MAP2: variants seen among roughly 807,000 people sequenced by gnomAD.
The protein encoded by MAP2 is microtubule associated protein 2.
A neutral mutation model predicts 137.6 loss-of-function variants in MAP2; 14 were observed. The observed-to-expected ratio is 0.10, with a 90% CI of 0.07 to 0.16. The LOEUF (loss-of-function observed/expected upper bound fraction) is 0.16, where lower values mean the gene tolerates loss of function less well. MAP2 is among the 10% of genes least tolerant of loss of function. MAP2 has a pLI of 1.00. For synonymous variants in MAP2, 786 were observed against 782.3 expected, an observed-to-expected ratio of 1.00 and a Z score of -0.08; for missense variants, 2,088 against 2,191.5, an observed-to-expected ratio of 0.95 and a Z score of 0.94.
At chr2:209,558,973 G>A (rs1367941445) in intron 2 of MAP2, among the ~76,000 whole-genome samples, 1 of 152,008 alleles carries the variant, frequency 6.6e-6, no homozygotes, top group Non-Finnish European at 1.5e-5. Flanking sequence ...TAATGAAGAA[G>A]GAATCTGTAG....
intron 4 of MAP2, among the ~76,000 whole-genome samples, chr2:209,630,975 G>A (rs1318861152): frequency 9.8e-6 from 1 of 101,638 alleles, no homozygotes; most frequent in South Asian, 3.4e-4. Flanking sequence ...CTAGAAAGTA[G>A]CATTTTTCAA....
chr2:209,724,602 A>G (rs2073094677), intron 13 of MAP2, among the ~76,000 whole-genome samples: 1 of 152,134 alleles, frequency 6.6e-6, no homozygotes. Flanking sequence ...AGAGAGAGAG[A>G]GAGAGAAGCA....
At chr2:209,642,614 CTTCT>C (rs1184497536) in intron 4 of MAP2, among the ~76,000 whole-genome samples, 6 of 152,206 alleles carry the variant, frequency 3.9e-5, no homozygotes, top group South Asian at 2.1e-4. Flanking sequence ...CACCAGCTCT[CTTCT>C]TTCTAATTGT....
intron 1 of MAP2, among the ~76,000 whole-genome samples, chr2:209,481,255 C>G (rs940253463): frequency 6.6e-6 from 1 of 152,166 alleles, no homozygotes; most frequent in Non-Finnish European, 1.5e-5. Context: ...ACAACATCTC[C>G]CAACAGAAGA....
chr2:209,686,653 C>T (rs996941595), intron 7 of MAP2, among the ~76,000 whole-genome samples: 1 of 152,078 alleles, frequency 6.6e-6, no homozygotes, highest in Non-Finnish European at 1.5e-5. Context: ...CTGAGTTATA[C>T]GAGAATCCAA....
chr2:209,429,143 C>G (rs1693511617), intron 1 of MAP2, among the ~76,000 whole-genome samples: 1 of 151,784 alleles, frequency 6.6e-6, no homozygotes, highest in South Asian at 2.1e-4. Flanking sequence ...TTAGTAGAGA[C>G]AGGGTTTCAC....
At chr2:209,453,247 G>T (rs994135537) in intron 1 of MAP2, among the ~76,000 whole-genome samples, 1 of 151,936 alleles carries the variant, frequency 6.6e-6, no homozygotes, top group African/African-American at 2.4e-5. Context: ...GATATTCTCT[G>T]CTTTAATGAT....
At chr2:209,638,971 A>G (rs1291880687) in intron 4 of MAP2, among the ~76,000 whole-genome samples, 1 of 152,178 alleles carries the variant, frequency 6.6e-6, no homozygotes, top group African/African-American at 2.4e-5. Context: ...GGCCTGATAC[A>G]TGCTCATTAG....
At chr2:209,723,672 G>A (rs764573853) in intron 13 of MAP2, 9 of 1,613,508 alleles carry the variant, frequency 5.6e-6, no homozygotes, top group Admixed American at 1.7e-5. Context: ...TCAAACATTC[G>A]GCTGGGGGCG....
chr2:209,709,513 T>G (rs936825939), intron 12 of MAP2, among the ~76,000 whole-genome samples: 2 of 152,150 alleles, frequency 1.3e-5, no homozygotes, highest in African/African-American at 4.8e-5. Flanking sequence ...GAATGAATGA[T>G]CTACATATCA....
intron 2 of MAP2, among the ~76,000 whole-genome samples, chr2:209,516,169 T>C (rs2062469067): frequency 6.6e-6 from 1 of 152,114 alleles, no homozygotes; most frequent in Non-Finnish European, 1.5e-5. Flanking sequence ...AAGTCTCTTA[T>C]GGAATAACAG....
At chr2:209,468,317 C>CTTTTTTTTTT (rs11450792) in intron 1 of MAP2, among the ~76,000 whole-genome samples, 2 of 88,532 alleles carry the variant, frequency 2.3e-5, no homozygotes, top group Non-Finnish European at 4.0e-5. Flanking sequence ...TTTAGTGTTT[C>CTTTTTTTTTT]TTTTTTTTTT....
chr2:209,717,622 T>G (rs2068243226), intron 13 of MAP2, among the ~76,000 whole-genome samples: 1 of 152,210 alleles, frequency 6.6e-6, no homozygotes, highest in Non-Finnish European at 1.5e-5. Context: ...GTTACCACTA[T>G]GAAGGTCTAC....
At chr2:209,556,819 T>C (rs2070789489) in intron 2 of MAP2, among the ~76,000 whole-genome samples, 1 of 152,158 alleles carries the variant, frequency 6.6e-6, no homozygotes, top group Non-Finnish European at 1.5e-5. Context: ...AAATTTAAAC[T>C]ACATATATAA....
intron 1 of MAP2, among the ~76,000 whole-genome samples, chr2:209,488,401 A>G (rs1375881202): frequency 4.0e-5 from 6 of 151,346 alleles, no homozygotes; most frequent in African/African-American, 1.2e-4. Flanking sequence ...TTTTTTTTTC[A>G]TACCCCAGTG....
intron 3 of MAP2, among the ~76,000 whole-genome samples, chr2:209,618,533 T>C (rs2090214114): frequency 1.3e-5 from 2 of 152,174 alleles, no homozygotes; most frequent in Non-Finnish European, 2.9e-5. Context: ...CCAATTTTTT[T>C]CTCCTACCAC....
At chr2:209,660,206 C>T (rs181231014) in intron 5 of MAP2, among the ~76,000 whole-genome samples, 41 of 152,114 alleles carry the variant, frequency 2.7e-4, no homozygotes, top group Non-Finnish European at 3.2e-4. Flanking sequence ...GCTATCCAGA[C>T]CTACCCACTG....
At chr2:209,530,999 GAAATAC>G (rs1363971537) in intron 2 of MAP2, among the ~76,000 whole-genome samples, 1 of 152,098 alleles carries the variant, frequency 6.6e-6, no homozygotes, top group Non-Finnish European at 1.5e-5. Flanking sequence ...TTGAATGAAT[GAAATAC>G]AAATACAAAG....
At chr2:209,664,838 T>C (rs897284645) in intron 5 of MAP2, among the ~76,000 whole-genome samples, 2 of 151,444 alleles carry the variant, frequency 1.3e-5, no homozygotes, top group Non-Finnish European at 2.9e-5. Flanking sequence ...TGCATGCCTG[T>C]AGTCCCAGTT....
Sources: gnomAD v4.1 joint callset for allele counts (sites outside exome capture counted in the v4.1 genomes callset) on GRCh38, gnomAD v4.1.1 for gene constraint, MANE v1.5 for transcripts, NCBI Gene and HGNC (gene_info 2026-07-23, HGNC 2026-07-21) for gene names.